The following EXOC4 variants were observed in gnomAD, a reference collection of about 807,000 sequenced individuals.
EXOC4 encodes SEC8-like 1.
A neutral mutation model predicts 107.2 loss-of-function variants in EXOC4; 71 were observed. That is an observed-to-expected ratio of 0.66 (90% CI 0.55 to 0.81). EXOC4 has a LOEUF of 0.81. Ranked by LOEUF, EXOC4 falls within the 30% of genes least tolerant of loss-of-function variation. The pLI is 0.00. For missense variants in EXOC4, 1,108 were observed against 1,189.6 expected, an observed-to-expected ratio of 0.93 and a Z score of 1.01; for synonymous variants, 456 against 441.2, an observed-to-expected ratio of 1.03 and a Z score of -0.42.
intron 7 of EXOC4, among the ~76,000 whole-genome samples, chr7:133,403,568 T>C (rs1367450814): frequency 6.6e-6 from 1 of 152,206 alleles, no homozygotes; most frequent in Non-Finnish European, 1.5e-5. Flanking sequence ...CAGTTTTGGG[T>C]GCTAAGGCAG....
At chr7:133,310,270 A>G (rs1218946668) in intron 4 of EXOC4, among the ~76,000 whole-genome samples, 1 of 152,194 alleles carries the variant, frequency 6.6e-6, no homozygotes, top group African/African-American at 2.4e-5. Context: ...TAGGTACCTG[A>G]AACTGCAGAT....
chr7:134,064,478 C>T lies in EXOC4; in HGVS notation c.2875C>T (p.Gln959Ter). The change falls in exon 18 of 18, where the codon CAG becomes TAG. Residue 959 changes from glutamine to a stop codon, truncating the protein, a stop_gained. Coordinates refer to ENST00000253861, the MANE Select transcript of EXOC4 (RefSeq NM_021807.4). LOFTEE classifies it high-confidence loss of function. ...LQRLKEIICE[Q>*]AAIKQATKDK... ...GAGGCTCAAAGAGATCATCTGCGAG[C>T]AGGCTGCCATCAAGCAAGCCACCAA... 6.2e-7 allele frequency: 1 copy of T among 1,606,834 alleles called. No homozygotes were observed. Among genetic ancestry groups the T allele is most frequent in the Non-Finnish European group, 8.5e-7 (1 of 1,176,352 alleles).
intron 17 of EXOC4, among the ~76,000 whole-genome samples, chr7:134,062,512 A>G (rs1796087610): frequency 6.6e-6 from 1 of 152,178 alleles, no homozygotes; most frequent in East Asian, 1.9e-4. Context: ...ATAATACAGG[A>G]TTTCTGAGCC....
At chr7:133,636,845 T>G (rs1478897833) in intron 10 of EXOC4, among the ~76,000 whole-genome samples, 1 of 152,234 alleles carries the variant, frequency 6.6e-6, no homozygotes, top group East Asian at 1.9e-4. Context: ...GATGAACCTC[T>G]CTTGGCAACT....
the EXOC4 span, among the ~76,000 whole-genome samples, chr7:134,095,803 C>T: frequency 6.6e-6 from 1 of 152,206 alleles, no homozygotes; most frequent in East Asian, 1.9e-4. Context: ...TACATTTCAC[C>T]TTATAAAAAA....
At chr7:133,795,526 G>A (rs1386823420) in intron 10 of EXOC4, among the ~76,000 whole-genome samples, 2 of 152,184 alleles carry the variant, frequency 1.3e-5, no homozygotes, top group Non-Finnish European at 2.9e-5. Flanking sequence ...AGGACCTGGT[G>A]AGGAAACTGA....
At chr7:133,370,325 A>G (rs537490770) in intron 6 of EXOC4, among the ~76,000 whole-genome samples, 65 of 151,978 alleles carry the variant, frequency 4.3e-4, no homozygotes, top group Non-Finnish European at 6.8e-4. Flanking sequence ...TTTTTATTTT[A>G]TACATTTTAG....
chr7:133,427,758 T>C (rs1345923057), intron 7 of EXOC4, among the ~76,000 whole-genome samples: 4 of 152,352 alleles, frequency 2.6e-5, no homozygotes, highest in Admixed American at 2.6e-4. Context: ...CCAAATATTT[T>C]CTTCTTGTAT....
At chr7:133,883,840 G>A (rs982971691) in intron 11 of EXOC4, among the ~76,000 whole-genome samples, 1 of 152,164 alleles carries the variant, frequency 6.6e-6, no homozygotes, top group Non-Finnish European at 1.5e-5. Context: ...ATAGCCTTTT[G>A]CAAGTCATCT....
At chr7:133,535,472 A>C (rs1339209549) in intron 9 of EXOC4, among the ~76,000 whole-genome samples, 1 of 152,174 alleles carries the variant, frequency 6.6e-6, no homozygotes, top group East Asian at 1.9e-4. Flanking sequence ...AGCTGTGTGA[A>C]TCCTAACTTC....
chr7:133,820,479 C>T (rs1797493835), intron 11 of EXOC4, among the ~76,000 whole-genome samples: 1 of 151,890 alleles, frequency 6.6e-6, no homozygotes, highest in African/African-American at 2.4e-5. Context: ...ATTTTATTCC[C>T]AGCTAATTGT....
chr7:133,297,892 A>T (rs1383471478), intron 3 of EXOC4, among the ~76,000 whole-genome samples: 1 of 152,232 alleles, frequency 6.6e-6, no homozygotes, highest in Non-Finnish European at 1.5e-5. Flanking sequence ...GTCGAGAATA[A>T]TACCTAAGTC....
intron 9 of EXOC4, among the ~76,000 whole-genome samples, chr7:133,555,413 G>C (rs1800672599): frequency 6.6e-6 from 1 of 152,064 alleles, no homozygotes; most frequent in Admixed American, 6.6e-5. Context: ...AGTCATTTAA[G>C]TTATTCCTCT....
intron 10 of EXOC4, among the ~76,000 whole-genome samples, chr7:133,706,078 A>G (rs1349432432): frequency 6.6e-6 from 1 of 152,232 alleles, no homozygotes; most frequent in African/African-American, 2.4e-5. Flanking sequence ...TAAAAAAAGT[A>G]TAGTATCCAC....
At chr7:133,333,193 T>C (rs904156122) in intron 5 of EXOC4, among the ~76,000 whole-genome samples, 1 of 152,190 alleles carries the variant, frequency 6.6e-6, no homozygotes, top group African/African-American at 2.4e-5. Context: ...TCAGTAAAAA[T>C]TTATGGATAT....
chr7:133,301,911 G>A (rs1794649824), intron 3 of EXOC4, among the ~76,000 whole-genome samples: 1 of 152,160 alleles, frequency 6.6e-6, no homozygotes, highest in South Asian at 2.1e-4. Context: ...CTTTTTACAT[G>A]ATAAGCGTGA....
rs548955489 is a variant in EXOC4, at chr7:133,331,374, A to C, written c.763+13984A>C. 7.4e-4 allele frequency among the ~76,000 whole-genome samples: 112 copies of C among 152,254 alleles called. 1 individual carries two copies. The highest frequency in any genetic ancestry group is 2.5e-3 in the African/African-American group (103 of 41,554). ...TAGAGTAATAGGCAAAATTATGAACAGTTTGCATAAGGGGAATCCAATGCT... is the reference window on the plus strand; with the variant it reads ...TAGAGTAATAGGCAAAATTATGAACCGTTTGCATAAGGGGAATCCAATGCT... On this transcript the variant is annotated intron_variant, in intron 5 of 17. Coordinates refer to ENST00000253861, the MANE Select transcript of EXOC4 (RefSeq NM_021807.4).
chr7:134,050,187 T>C (rs1795752187), intron 17 of EXOC4, among the ~76,000 whole-genome samples: 2 of 152,238 alleles, frequency 1.3e-5, no homozygotes, highest in Non-Finnish European at 2.9e-5. Flanking sequence ...GTAATAGTAA[T>C]TGTCTCTAGG....
chr7:133,265,405 A>T (rs1027453475), intron 1 of EXOC4, among the ~76,000 whole-genome samples: 14 of 146,248 alleles, frequency 9.6e-5, no homozygotes, highest in Admixed American at 8.3e-4. Context: ...GACTCTGTCT[A>T]AAAAAAAAAA....
Sources: gnomAD v4.1 joint callset for allele counts (sites outside exome capture counted in the v4.1 genomes callset) on GRCh38, gnomAD v4.1.1 for gene constraint, MANE v1.5 for transcripts, NCBI Gene and HGNC (gene_info 2026-07-23, HGNC 2026-07-21) for gene names.